Variants in TNS1 observed in about 807,000 individuals in gnomAD.
The protein encoded by TNS1 is tensin-1.
In TNS1, 62 loss-of-function variants were observed where a neutral mutation model predicts 168.6. That is an observed-to-expected ratio of 0.37 (90% confidence interval 0.30 to 0.45). TNS1 has a LOEUF of 0.45. Ranked by LOEUF, TNS1 falls within the 20% of genes least tolerant of loss-of-function variation. The probability of loss-of-function intolerance (pLI) is 1.00; values close to 1 mark genes in which losing one functional copy is unlikely to be tolerated. For synonymous variants in TNS1, 934 were observed against 933.2 expected (o/e 1.00, Z -0.02); for missense variants, 2,240 against 2,339.4 (o/e 0.96, Z 0.88).
At chr2:217,810,622 C>G (rs746511181) in intron 28 of TNS1, among the ~76,000 whole-genome samples, 3 of 152,132 alleles carry the variant, frequency 2.0e-5, no homozygotes, top group African/African-American at 7.2e-5. Context: ...GGTTTTTGAG[C>G]GACTCCATGT....
rs1400367775 is a variant in TNS1, at chr2:217,806,604, C to T, written c.5375+1471G>A. On this transcript the variant is annotated intron_variant, in intron 32 of 32. Transcript: ENST00000682258. The stretch of plus-strand genomic sequence containing the variant: ...CAAACAGGAAGTTCCAGCCTGCTGC[C>T]TTGGCCAGCAGAGACACGGGAAATG... Among the ~76,000 whole-genome samples the T allele has an allele frequency of 2.0e-5, 3 of 152,284 alleles. No homozygotes were observed. The South Asian group carries it at 6.2e-4, about 32-fold the overall frequency.
At chr2:217,809,762 G>T in intron 30 of TNS1, 61 bp downstream of exon 30, 1 of 1,532,270 alleles carries the variant, frequency 6.5e-7, no homozygotes, top group South Asian at 1.2e-5. Context: ...GTGGGTACAC[G>T]GATGAATAGA....
At chr2:217,971,218 C>T (rs1957766894) in intron 3 of TNS1, among the ~76,000 whole-genome samples, 1 of 152,216 alleles carries the variant, frequency 6.6e-6, no homozygotes, top group Non-Finnish European at 1.5e-5. Context: ...TTCCTTCACA[C>T]ACCTTTGCAG....
chr2:217,847,403 A>C (rs1946799614), intron 19 of TNS1, 107 bp downstream of exon 19: 1 of 1,123,710 alleles, frequency 8.9e-7, no homozygotes, highest in Non-Finnish European at 1.2e-6. Context: ...GCCTCCTCCC[A>C]CCAGTGAAAG....
Position 217,849,036 on chromosome 2 carries a change from A to T in TNS1, c.1481T>A (p.Val494Glu). ...GCCGTGCAGGGAGTCTTTCTTCTTC[A>T]CCTTAGCATACAGGCTCCCATCTAG... ...GPLDGSLYAK[V>E]KKKDSLHGST... The change falls in exon 19 of 33, where the codon GTG (valine) becomes GAG (glutamate). Residue 494 changes from valine (V) to glutamate (E), a missense_variant. Val to Glu is a moderately radical substitution (Grantham distance 121). This residue lies in a region of TNS1 where 2,131 missense variants were observed against 2,171.2 expected (regional missense o/e 0.98). Coordinates refer to ENST00000682258, the MANE Select transcript of TNS1 (RefSeq NM_001387777.1). 1 of 1,612,160 alleles carries T rather than the reference A, an allele frequency of 6.2e-7. No individual in the cohort carries two copies. Among genetic ancestry groups the T allele is most frequent in the Non-Finnish European group, 8.5e-7 (1 of 1,179,672 alleles).
rs1937922148 is a variant in TNS1, at chr2:217,804,090, C to T, written c.*369G>A. On this transcript the variant is annotated 3_prime_UTR_variant, in exon 33 of 33. Transcript: ENST00000682258. ...GTTAGGGAGACAGAGCTTTTCCATT[C>T]CCCCAAAAAATGTGGATTCCCAAGG... is the stretch of plus-strand genomic sequence containing the variant. 1 of 171,126 alleles carries T rather than the reference C, an allele frequency of 5.8e-6. No individual in the cohort carries two copies. Among genetic ancestry groups the T allele is most frequent in the Non-Finnish European group, 1.2e-5 (1 of 80,198 alleles). The allele number at this position is 171,126 out of a possible 1,614,324, so 10.6% of individuals were successfully genotyped here.
intron 2 of TNS1, among the ~76,000 whole-genome samples, chr2:217,985,067 AT>A (rs752091228): frequency 0.042 from 5,711 of 135,336 alleles, 237 homozygotes; most frequent in African/African-American, 0.12. Flanking sequence ...CCATTATGAG[AT>A]TTTTTTTTTT....
At chr2:217,979,702 G>T (rs924123653) in intron 2 of TNS1, among the ~76,000 whole-genome samples, 18 of 152,126 alleles carry the variant, frequency 1.2e-4, no homozygotes, top group Non-Finnish European at 2.2e-4. Flanking sequence ...AGATCTCATG[G>T]GTGGGCGAGG....
intron 1 of TNS1, among the ~76,000 whole-genome samples, chr2:218,021,715 G>A (rs1958807732): frequency 6.6e-6 from 1 of 152,178 alleles, no homozygotes; most frequent in South Asian, 2.1e-4. Context: ...ATTGCAGCAG[G>A]GTAGGGGGAA....
chr2:217,800,354 C>G lies in TNS1; in HGVS notation c.*4105G>C, dbSNP rs1357148887. On this transcript the variant is annotated 3_prime_UTR_variant, in exon 33 of 33. Coordinates refer to ENST00000682258, the MANE Select transcript of TNS1 (RefSeq NM_001387777.1). The stretch of plus-strand genomic sequence containing the variant: ...AGAGGGACAGATCTGCCCGAGGCCC[C>G]CACCCTGCCCCTCTGGGTGAACCAC... 1 of 152,254 alleles carries G rather than the reference C, an allele frequency of 6.6e-6. No individual in the cohort carries two copies. Among genetic ancestry groups the G allele is most frequent in the Non-Finnish European group, 1.5e-5 (1 of 68,092 alleles). The allele number at this position is 152,254 out of a possible 1,614,324, so 9.4% of individuals were successfully genotyped here.
chr2:217,835,019 C>T (rs554311639), intron 21 of TNS1, 72 bp downstream of exon 21: 17 of 1,400,416 alleles, frequency 1.2e-5, no homozygotes, highest in African/African-American at 4.5e-5. Context: ...GCCTGGGGCA[C>T]TCCCACAGGC....
At chr2:217,983,709 G>A (rs371865846) in intron 2 of TNS1, among the ~76,000 whole-genome samples, 3 of 152,158 alleles carry the variant, frequency 2.0e-5, no homozygotes, top group African/African-American at 4.8e-5. Context: ...ATAACCACTC[G>A]CATGCCCGGT....
At chr2:217,879,458 G>T (rs1167664709) in intron 18 of TNS1, 1 of 454,014 alleles carries the variant, frequency 2.2e-6, no homozygotes, top group Non-Finnish European at 4.4e-6. Flanking sequence ...CAAGCAGCCT[G>T]GGGGGTCGGA....
At chr2:217,892,186 G>A (rs1329492893) in intron 11 of TNS1, among the ~76,000 whole-genome samples, 1 of 152,090 alleles carries the variant, frequency 6.6e-6, no homozygotes, top group African/African-American at 2.4e-5. Flanking sequence ...CAACCTCCCT[G>A]CCTCCCAGAT....
intron 18 of TNS1, among the ~76,000 whole-genome samples, chr2:217,878,521 A>G (rs886494946): frequency 4.6e-5 from 7 of 152,130 alleles, no homozygotes; most frequent in East Asian, 1.9e-4. Flanking sequence ...GGGAGCATCA[A>G]ATGAAATGGC....
chr2:217,883,553 C>T (rs1345477643), intron 16 of TNS1, among the ~76,000 whole-genome samples: 1 of 152,246 alleles, frequency 6.6e-6, no homozygotes, highest in African/African-American at 2.4e-5. Context: ...GCATGAGCCA[C>T]CGTGCCTGGC....
At chr2:217,923,438 T>C (rs1955840300) in intron 3 of TNS1, among the ~76,000 whole-genome samples, 1 of 152,232 alleles carries the variant, frequency 6.6e-6, no homozygotes, top group Non-Finnish European at 1.5e-5. Context: ...CTCATTTAAT[T>C]CACGTAACAA....
intron 3 of TNS1, among the ~76,000 whole-genome samples, chr2:217,928,335 C>T (rs1469111789): frequency 1.3e-5 from 2 of 152,234 alleles, no homozygotes. Context: ...TGCCCCGGCC[C>T]ATTTCCTCCC....
chr2:217,808,637 C>T lies in TNS1; in HGVS notation c.5308G>A (p.Val1770Ile). ...FFRRHYPLNT[V>I]TFCDLDPQER... ...TGTGGATCCAGGTCACAGAAGGTGACAGTGTTGAGAGGGTAGTGGCGTCTG... is the reference window on the plus strand; with the variant it reads ...TGTGGATCCAGGTCACAGAAGGTGATAGTGTTGAGAGGGTAGTGGCGTCTG... Residue 1770 changes from valine to isoleucine, a missense_variant, in exon 31 of 33, where the codon GTC becomes ATC. Transcript: ENST00000682258. 3 of 1,614,100 alleles carry T rather than the reference C, an allele frequency of 1.9e-6. No individual in the cohort carries two copies. The highest frequency in any genetic ancestry group is 1.7e-6 in the Non-Finnish European group (2 of 1,179,994).
Sources: gnomAD v4.1 joint callset for allele counts (sites outside exome capture counted in the v4.1 genomes callset) on GRCh38, gnomAD v4.1.1 for gene constraint, gnomAD v4.1.1 regional missense constraint, MANE v1.5 for transcripts, NCBI Gene and HGNC (gene_info 2026-07-23, HGNC 2026-07-21) for gene names.